The following NUP210 variants were observed in gnomAD, a reference collection of about 807,000 sequenced individuals.
The protein encoded by NUP210 is nuclear pore membrane glycoprotein 210.
Under a neutral mutation model 196.0 loss-of-function variants are expected in NUP210, and 151 were observed. The observed-to-expected ratio is 0.77, with a 90% CI of 0.67 to 0.88. NUP210 has a LOEUF of 0.88. Among genes scored for constraint, NUP210 ranks in the 40% least tolerant of loss-of-function variants. The pLI is 0.00. For synonymous variants in NUP210, 1,070 were observed against 1,052.7 expected (o/e 1.02, Z -0.32); for missense variants, 2,314 against 2,493.7 (o/e 0.93, Z 1.53).
chr3:13,320,023 G>A (rs769329850), intron 36 of NUP210, 44 bp from the exon 37 acceptor site: 10 of 1,575,648 alleles, frequency 6.3e-6, no homozygotes, highest in Non-Finnish European at 7.8e-6. Context: ...CTGCAGAGTG[G>A]GGGGACCACT....
chr3:13,400,140 G>A (rs1185159855), intron 1 of NUP210, among the ~76,000 whole-genome samples: 1 of 152,184 alleles, frequency 6.6e-6, no homozygotes, highest in Admixed American at 6.5e-5. Context: ...ATGACCTCAA[G>A]GCTCAACAGA....
intron 16 of NUP210, 122 bp downstream of exon 16, chr3:13,358,100 G>A (rs1323120474): frequency 4.7e-6 from 4 of 852,030 alleles, no homozygotes; most frequent in African/African-American, 3.4e-5. Flanking sequence ...TTGTTGAGAC[G>A]AAGGAAGTGC....
chr3:13,395,013 C>A (rs528323785), intron 3 of NUP210, among the ~76,000 whole-genome samples: 8 of 152,272 alleles, frequency 5.3e-5, no homozygotes, highest in African/African-American at 1.7e-4. Flanking sequence ...AAAGGTGGGG[C>A]CTTGACATGG....
rs1457690651 is a variant in NUP210, at chr3:13,371,938, C to T, written c.1682G>A (p.Gly561Asp). The T allele has an allele frequency of 3.1e-6, 5 of 1,606,786 alleles. No homozygotes were observed. The South Asian group carries it at 3.3e-5, about 11-fold the overall frequency. The change falls in exon 13 of 40, where the codon GGC becomes GAC. Residue 561 changes from glycine to aspartate, a missense_variant. By Grantham distance (94) the Gly-to-Asp change is moderately conservative (BLOSUM62 -1). Coordinates refer to ENST00000254508, the MANE Select transcript of NUP210 (RefSeq NM_024923.4). ...CTCACTGGCCCCGCCGGGCATGAGG[C>T]CACTGATCCTCAGGGGCAGCTCCAG... ...QALELPLRISGLMPGGASEVV... is the reference protein window; with the variant it reads ...QALELPLRISDLMPGGASEVV...
At position 13,379,733 on chromosome 3, in the gene NUP210, GAAACAA is replaced by G. The variant is rs746483520; in HGVS notation, c.818-18_818-13del. ...AGGCATGGAGAGTTCTGGCCACCAA[GAAACAA>G]AAAATAACAGGGAAAGAGAGAGCAA... On this transcript the variant is annotated splice_polypyrimidine_tract_variant and intron_variant, in intron 6 of 39. Coordinates refer to ENST00000254508, the MANE Select transcript of NUP210 (RefSeq NM_024923.4). The surrounding 1 kb of genome is among the most constrained non-coding windows in gnomAD (Gnocchi z 4.2). 2 of 1,551,578 alleles carry G rather than the reference GAAACAA, an allele frequency of 1.3e-6. No homozygotes were observed. Among genetic ancestry groups the G allele is most frequent in the Non-Finnish European group, 1.7e-6 (2 of 1,149,630 alleles).
At chr3:13,343,342 G>GGGGGGCCC in intron 20 of NUP210, 39 bp from the exon 21 acceptor site, 2 of 655,994 alleles carry the variant, frequency 3.0e-6, no homozygotes, top group Non-Finnish European at 5.0e-6. Context: ...TGGGTGGTGG[G>GGGGGGCCC]TTACGCAGCT....
Position 13,337,977 on chromosome 3 carries a change from GAAGGGACCCCTC to G in NUP210, c.3472-72_3472-61del. On this transcript the variant is annotated intron_variant, in intron 25 of 39. Coordinates refer to ENST00000254508, the MANE Select transcript of NUP210 (RefSeq NM_024923.4). ...GCAGTGCTGGCCAGGGATGTTTCAG[GAAGGGACCCCTC>G]AAGGGAAGCAGGCTGCGGCTCAGAG... is the stretch of plus-strand genomic sequence containing the variant. 3 of 1,504,612 alleles carry G rather than the reference GAAGGGACCCCTC, an allele frequency of 2.0e-6. No individual in the cohort carries two copies. In the Admixed American group the frequency reaches 5.4e-5, roughly 27 times the overall value. 93.2% of individuals were successfully genotyped at this position (1,504,612 alleles called of 1,614,324 possible).
chr3:13,354,855 G>A (rs1698114743), intron 16 of NUP210, among the ~76,000 whole-genome samples: 1 of 152,216 alleles, frequency 6.6e-6, no homozygotes, highest in African/African-American at 2.4e-5. Context: ...CCAAATCCTG[G>A]ATTCCCACCA....
intron 16 of NUP210, among the ~76,000 whole-genome samples, chr3:13,357,418 G>A (rs1219456065): frequency 6.6e-6 from 1 of 152,122 alleles, no homozygotes; most frequent in Admixed American, 6.5e-5. Context: ...GCATCTCCTG[G>A]TCTCCCTGTC....
chr3:13,415,387 T>G (rs1700314226), intron 1 of NUP210, among the ~76,000 whole-genome samples: 1 of 152,172 alleles, frequency 6.6e-6, no homozygotes, highest in African/African-American at 2.4e-5. Context: ...GAGCTCTGGT[T>G]TCTCCACCCC....
chr3:13,336,836 C>T lies in NUP210; in HGVS notation c.3635G>A (p.Trp1212Ter). 6.2e-7 allele frequency: 1 copy of T among 1,613,882 alleles called. No individual in the cohort carries two copies. Among genetic ancestry groups the T allele is most frequent in the South Asian group, 1.1e-5 (1 of 91,064 alleles). Residue 1212 changes from tryptophan (W) to a stop codon, truncating the protein, a stop_gained, in exon 27 of 40, where the codon TGG (tryptophan) becomes TAG (stop). Transcript: ENST00000254508. LOFTEE classifies it high-confidence loss of function. The part of the protein sequence containing the change: ...GNAVPGLTFH[W>*]SVTKRDVLDL... ...CAGGACGTCCCGCTTGGTGACAGAC[C>T]AGTGGAAGGTCAGGCCTGGCACGGC...
intron 28 of NUP210, among the ~76,000 whole-genome samples, chr3:13,332,721 T>TACAATTGTGGGG: frequency 9.0e-6 from 1 of 110,548 alleles, no homozygotes; most frequent in African/African-American, 4.0e-5. Flanking sequence ...AGCAAGACCC[T>TACAATTGTGGGG]ATCTCACACA....
In NUP210 at chr3:13,328,964, G is replaced by A. The variant is rs1389645557; in HGVS notation, c.4111-18C>T. ...GGGGATACCTAAGGGACAACATACA[G>A]GTATGATGAGGATTCAGTGCCAGGG... On this transcript the variant is annotated intron_variant, in intron 30 of 39. Coordinates refer to ENST00000254508, the MANE Select transcript of NUP210 (RefSeq NM_024923.4). 1 of 1,608,268 alleles carries A rather than the reference G, an allele frequency of 6.2e-7. No individual in the cohort carries two copies. The highest frequency in any genetic ancestry group is 1.3e-5 in the African/African-American group (1 of 74,794).
At chr3:13,400,074 G>A (rs1443972135) in intron 1 of NUP210, among the ~76,000 whole-genome samples, 1 of 152,168 alleles carries the variant, frequency 6.6e-6, no homozygotes, top group Admixed American at 6.5e-5. Context: ...GAGGGCTCCA[G>A]GCCTGTGCAC....
chr3:13,392,120 C>A (rs1347279079), intron 3 of NUP210, among the ~76,000 whole-genome samples: 1 of 152,186 alleles, frequency 6.6e-6, no homozygotes, highest in Admixed American at 6.5e-5. Flanking sequence ...CTGACCAGCT[C>A]CCAGTACAAG....
chr3:13,383,190 T>C (rs1233003103), intron 6 of NUP210, among the ~76,000 whole-genome samples: 11 of 152,162 alleles, frequency 7.2e-5, no homozygotes, highest in African/African-American at 2.7e-4. Context: ...GGAGTTTCCA[T>C]TGGTGTGTCT....
intron 1 of NUP210, among the ~76,000 whole-genome samples, chr3:13,416,703 A>G (rs2124970100): frequency 6.6e-6 from 1 of 152,320 alleles, no homozygotes; most frequent in South Asian, 2.1e-4. Flanking sequence ...GGCAACTTCA[A>G]CCCAGCAGAA....
intron 3 of NUP210, among the ~76,000 whole-genome samples, chr3:13,394,903 T>A (rs1474416136): frequency 6.6e-6 from 1 of 152,174 alleles, no homozygotes; most frequent in Non-Finnish European, 1.5e-5. Context: ...AAAGAAATGA[T>A]GAAGGTACTC....
At chr3:13,324,174 A>T (rs368798710) in intron 33 of NUP210, among the ~76,000 whole-genome samples, 1 of 151,904 alleles carries the variant, frequency 6.6e-6, no homozygotes, top group Non-Finnish European at 1.5e-5. Flanking sequence ...ACCTCCAGGG[A>T]CTGACAGAGG....
Sources: allele counts gnomAD v4.1 joint callset (sites outside exome capture counted in the v4.1 genomes callset), GRCh38; gene constraint gnomAD v4.1.1; non-coding constraint Gnocchi (gnomAD v3.1); transcripts MANE v1.5; gene names NCBI Gene and HGNC (gene_info 2026-07-23, HGNC 2026-07-21).